Variants in SCUBE2 observed in about 807,000 individuals in gnomAD.
The protein encoded by SCUBE2 is signal peptide, CUB and EGF-like domain-containing protein 2.
Under a neutral mutation model 125.9 loss-of-function variants are expected in SCUBE2, and 114 were observed. That is an observed-to-expected ratio of 0.91 (90% confidence interval 0.78 to 1.06). The LOEUF (loss-of-function observed/expected upper bound fraction) is 1.06. Among genes scored for constraint, SCUBE2 ranks in the 50% least tolerant of loss-of-function variants. The probability of loss-of-function intolerance (pLI) is 0.00; values close to 1 mark genes in which losing one functional copy is unlikely to be tolerated. For synonymous variants in SCUBE2, 459 were observed against 492.9 expected, an observed-to-expected ratio of 0.93 and a Z score of 0.91; for missense variants, 1,255 against 1,301.8, an observed-to-expected ratio of 0.96 and a Z score of 0.55.
intron 2 of SCUBE2, among the ~76,000 whole-genome samples, chr11:9,084,993 C>G (rs1861938637): frequency 6.6e-6 from 1 of 152,152 alleles, no homozygotes; most frequent in Non-Finnish European, 1.5e-5. Flanking sequence ...GTAAGCCTCC[C>G]TCCTTGGCAT....
intron 1 of SCUBE2, chr11:9,090,489 A>G (rs376470265): frequency 1.4e-5 from 2 of 141,898 alleles, no homozygotes; most frequent in Admixed American, 7.0e-5. Context: ...TTATTTATTT[A>G]TTTTTTTTTT....
chr11:9,058,505 A>G (rs1859328273), intron 9 of SCUBE2, among the ~76,000 whole-genome samples: 1 of 146,840 alleles, frequency 6.8e-6, no homozygotes, highest in Non-Finnish European at 1.5e-5. Context: ...TTGAGGCAGG[A>G]GAATCGCTTG....
intron 1 of SCUBE2, chr11:9,090,358 G>C (rs112511786): frequency 0.011 from 1,738 of 154,262 alleles, 31 homozygotes; most frequent in African/African-American, 0.04. Context: ...CAGCTTTCTC[G>C]GAGCTCAGAG....
At chr11:9,072,528 T>C (rs1355797919) in intron 4 of SCUBE2, among the ~76,000 whole-genome samples, 1 of 152,212 alleles carries the variant, frequency 6.6e-6, no homozygotes, top group Admixed American at 6.5e-5. Flanking sequence ...TTTTTAAGCC[T>C]ACAGTTTCAT....
At chr11:9,051,225 T>TCTATCTATCTAC (rs755617422) in intron 13 of SCUBE2, among the ~76,000 whole-genome samples, 101 of 132,408 alleles carry the variant, frequency 7.6e-4, no homozygotes, top group African/African-American at 2.0e-3. Flanking sequence ...TATCTATCTA[T>TCTATCTATCTAC]CTACCTACCT....
intron 4 of SCUBE2, among the ~76,000 whole-genome samples, chr11:9,069,892 T>C (rs908698319): frequency 1.8e-4 from 27 of 152,206 alleles, no homozygotes; most frequent in African/African-American, 6.3e-4. Context: ...GATAGAATGA[T>C]CAAGATTCTC....
At chr11:9,041,404 A>G (rs1857229598) in intron 16 of SCUBE2, among the ~76,000 whole-genome samples, 1 of 152,178 alleles carries the variant, frequency 6.6e-6, no homozygotes, top group African/African-American at 2.4e-5. Context: ...AGACAGAGGA[A>G]GGGACGAAGG....
intron 14 of SCUBE2, among the ~76,000 whole-genome samples, chr11:9,049,493 G>A (rs1399154690): frequency 6.6e-6 from 1 of 152,086 alleles, no homozygotes; most frequent in African/African-American, 2.4e-5. Flanking sequence ...CAATCTGCCT[G>A]CCTTGGCCTC....
chr11:9,025,614 G>A (rs1362285304), intron 21 of SCUBE2, 88 bp downstream of exon 21: 1 of 1,501,898 alleles, frequency 6.7e-7, no homozygotes, highest in African/African-American at 1.4e-5. Context: ...CTGAGCATGT[G>A]TGCTTGTCAG....
rs1857440321 is a variant in SCUBE2, at chr11:9,043,701, G to A, written c.2002+3655C>T. ...GACAAACAGTTCAATGCAAAAATAGGCAAAGAATATAGATGTTTTCAGAAG... is the reference window on the plus strand; with the variant it reads ...GACAAACAGTTCAATGCAAAAATAGACAAAGAATATAGATGTTTTCAGAAG... On this transcript the variant is annotated intron_variant, in intron 16 of 22. Coordinates refer to ENST00000649792, the MANE Select transcript of SCUBE2 (RefSeq NM_001367977.2). Among the ~76,000 whole-genome samples the A allele has an allele frequency of 2.0e-5, 3 of 151,976 alleles. No homozygotes were observed. In the South Asian group the frequency reaches 6.2e-4, roughly 32 times the overall value.
chr11:9,066,747 C>T lies in SCUBE2; in HGVS notation c.710G>A (p.Cys237Tyr). Residue 237 changes from cysteine (C) to tyrosine (Y), a missense_variant, in exon 6 of 23, where the codon TGC (cysteine) becomes TAC (tyrosine). Physicochemically the swap from Cys to Tyr is radical, Grantham distance 194 (BLOSUM62 -2). This residue lies in a region of SCUBE2 where 362 missense variants were observed against 323.0 expected (regional missense o/e 1.12). Transcript: ENST00000649792. The part of the protein sequence containing the change: ...SCDDTADGPE[C>Y]SCHPQYKMHT... Reference sequence around the variant, plus strand: ...CATCTTGTACTGTGGATGGCAGCTGCACTCTGGGCCATCGGCTGTATCGTC... The same window carrying T: ...CATCTTGTACTGTGGATGGCAGCTGTACTCTGGGCCATCGGCTGTATCGTC... The T allele has an allele frequency of 6.2e-7, 1 of 1,614,182 alleles. No individual in the cohort carries two copies. Among genetic ancestry groups the T allele is most frequent in the Non-Finnish European group, 8.5e-7 (1 of 1,180,034 alleles).
At chr11:9,029,024 G>A (rs1856033983) in intron 19 of SCUBE2, among the ~76,000 whole-genome samples, 1 of 152,012 alleles carries the variant, frequency 6.6e-6, no homozygotes, top group South Asian at 2.1e-4. Context: ...TTCTAATGAT[G>A]TACTGCCCCC....
intron 9 of SCUBE2, among the ~76,000 whole-genome samples, chr11:9,057,718 A>G (rs1859221801): frequency 6.6e-6 from 1 of 152,014 alleles, no homozygotes; most frequent in African/African-American, 2.4e-5. Context: ...TTTTTAGTAG[A>G]GACGGGGTTT....
chr11:9,072,349 G>C (rs1024506801), intron 4 of SCUBE2, among the ~76,000 whole-genome samples: 3 of 152,056 alleles, frequency 2.0e-5, no homozygotes, highest in East Asian at 1.9e-4. Flanking sequence ...GCTGGGACTA[G>C]AGGCGCCCAC....
chr11:9,050,422 T>C, intron 14 of SCUBE2, 184 bp downstream of exon 14: 2 of 599,222 alleles, frequency 3.3e-6, no homozygotes, highest in Non-Finnish European at 6.0e-6. Context: ...TATACAAGCA[T>C]GCTAGGTTAT....
chr11:9,089,514 A>G (rs1051678678), intron 2 of SCUBE2, among the ~76,000 whole-genome samples, 193 bp downstream of exon 2: 1 of 152,242 alleles, frequency 6.6e-6, no homozygotes, highest in Admixed American at 6.5e-5. Flanking sequence ...AAACTGTGTG[A>G]GCAGCTCTGG....
chr11:9,073,996 G>T (rs938526198), intron 4 of SCUBE2, among the ~76,000 whole-genome samples: 1 of 152,164 alleles, frequency 6.6e-6, no homozygotes, highest in African/African-American at 2.4e-5. Context: ...GCCCCTCGGA[G>T]CTCAAAAATG....
intron 3 of SCUBE2, among the ~76,000 whole-genome samples, chr11:9,078,090 GA>G (rs539894243): frequency 4.7e-5 from 7 of 148,544 alleles, no homozygotes; most frequent in Non-Finnish European, 7.5e-5. Flanking sequence ...CCTGAAAATG[GA>G]AAAAAAAAAG....
At chr11:9,048,924 A>G (rs1858071230) in intron 14 of SCUBE2, among the ~76,000 whole-genome samples, 1 of 152,232 alleles carries the variant, frequency 6.6e-6, no homozygotes, top group Non-Finnish European at 1.5e-5. Flanking sequence ...GGGCCACAGG[A>G]AGGAGGCAGA....
Sources: allele counts gnomAD v4.1 joint callset (sites outside exome capture counted in the v4.1 genomes callset), GRCh38; gene constraint gnomAD v4.1.1; regional missense constraint gnomAD v4.1.1; transcripts MANE v1.5; gene names NCBI Gene and HGNC (gene_info 2026-07-23, HGNC 2026-07-21).